ETS1: variants seen among roughly 807,000 people sequenced by gnomAD.
ETS1 encodes the protein ETS proto-oncogene 1, transcription factor.
Under a neutral mutation model 58.6 loss-of-function variants are expected in ETS1, and 15 were observed. The ratio of observed to expected loss-of-function variants is 0.26; its 90% CI spans 0.17 to 0.39. The LOEUF (loss-of-function observed/expected upper bound fraction) is 0.39. ETS1 is among the 10% of genes least tolerant of loss of function. The probability of loss-of-function intolerance (pLI) is 1.00; values close to 1 mark genes in which losing one functional copy is unlikely to be tolerated. For missense variants in ETS1, 417 were observed against 610.5 expected, an observed-to-expected ratio of 0.68 and a Z score of 3.34; for synonymous variants, 214 against 218.2, an observed-to-expected ratio of 0.98 and a Z score of 0.17.
At chr11:128,575,710 G>A (rs1259562236) in intron 1 of ETS1, among the ~76,000 whole-genome samples, 1 of 152,210 alleles carries the variant, frequency 6.6e-6, no homozygotes, top group Admixed American at 6.5e-5. Context: ...AAAAGAAATA[G>A]GAAGCAGTCA....
chr11:128,565,029 C>CAAATAAATAAAAT (rs138577288), intron 2 of ETS1, among the ~76,000 whole-genome samples: 1 of 144,514 alleles, frequency 6.9e-6, no homozygotes, highest in Non-Finnish European at 1.5e-5. Flanking sequence ...CACCAAATAT[C>CAAATAAATAAAAT]AAATAAATAA....
chr11:128,538,729 A>AAC (rs144715375), intron 3 of ETS1, among the ~76,000 whole-genome samples: 184 of 149,162 alleles, frequency 1.2e-3, no homozygotes, highest in African/African-American at 2.0e-3. Flanking sequence ...TTCAGGTGAA[A>AAC]ACACACACAC....
intron 8 of ETS1, among the ~76,000 whole-genome samples, chr11:128,478,989 T>C (rs962115260): frequency 6.6e-6 from 1 of 152,214 alleles, no homozygotes; most frequent in Non-Finnish European, 1.5e-5. Flanking sequence ...TACTCCAACA[T>C]GTAGACATAA....
chr11:128,533,353 G>A (rs183850405), intron 3 of ETS1, among the ~76,000 whole-genome samples: 1 of 152,238 alleles, frequency 6.6e-6, no homozygotes, highest in East Asian at 1.9e-4. Context: ...AGCCAAGGTG[G>A]CCATTTCTAC....
In ETS1 at chr11:128,490,443, C is replaced by G. The variant is rs376013621; in HGVS notation, c.334+14G>C. The stretch of plus-strand genomic sequence containing the variant: ...CTGACCCCAACCACTCTTTTTCCAA[C>G]TACAAAACCATACCTTTTGGGATCC... On this transcript the variant is annotated intron_variant, in intron 4 of 9. Coordinates refer to ENST00000392668, the MANE Select transcript of ETS1 (RefSeq NM_001143820.2). 1.9e-5 allele frequency: 31 copies of G among 1,613,824 alleles called. No individual in the cohort carries two copies. In the African/African-American group the frequency reaches 3.5e-4, roughly 18 times the overall value.
At chr11:128,521,515 TG>T in intron 3 of ETS1, among the ~76,000 whole-genome samples, 1 of 152,200 alleles carries the variant, frequency 6.6e-6, no homozygotes, top group Middle Eastern at 3.4e-3. Flanking sequence ...CTCAGTTCTA[TG>T]GGGGACGTGG....
intron 7 of ETS1, among the ~76,000 whole-genome samples, chr11:128,483,210 A>C (rs1011468587): frequency 2.0e-5 from 3 of 152,202 alleles, no homozygotes; most frequent in Non-Finnish European, 2.9e-5. Flanking sequence ...TCTCCTTGTA[A>C]GGGTCACTTT....
intron 8 of ETS1, among the ~76,000 whole-genome samples, chr11:128,471,568 G>T (rs1862188179): frequency 1.3e-5 from 2 of 152,238 alleles, no homozygotes; most frequent in Admixed American, 1.3e-4. Context: ...AGCCAGTGAA[G>T]CTCAAGTCAG....
At chr11:128,570,066 T>A (rs1864593809) in intron 2 of ETS1, among the ~76,000 whole-genome samples, 1 of 152,152 alleles carries the variant, frequency 6.6e-6, no homozygotes, top group Admixed American at 6.5e-5. Context: ...ATTATGCACT[T>A]AGAGTTATTT....
At chr11:128,552,512 C>A (rs1291535763) in intron 3 of ETS1, among the ~76,000 whole-genome samples, 2 of 152,192 alleles carry the variant, frequency 1.3e-5, no homozygotes, top group East Asian at 3.8e-4. Context: ...AAGTATTTTG[C>A]AAAAGTGTAC....
Position 128,479,315 on chromosome 11 carries a change from T to G in ETS1, c.1123+876A>C, listed in dbSNP as rs141145083. ...TAAGAGAATAAAGGCCTAGACCACATCTGAGTAATCAAAGCTACTTTAAAA... is the reference window on the plus strand; with the variant it reads ...TAAGAGAATAAAGGCCTAGACCACAGCTGAGTAATCAAAGCTACTTTAAAA... On this transcript the variant is annotated intron_variant, in intron 8 of 9. Transcript: ENST00000392668. Among the ~76,000 whole-genome samples, 225 of 152,326 alleles carry G rather than the reference T, an allele frequency of 1.5e-3. 1 individual carries two copies. The highest frequency in any genetic ancestry group is 0.014 in the Middle Eastern group (4 of 294).
chr11:128,513,048 T>C (rs1427682606), intron 3 of ETS1, among the ~76,000 whole-genome samples: 6 of 152,232 alleles, frequency 3.9e-5, no homozygotes, highest in Non-Finnish European at 2.9e-5. Flanking sequence ...GTATGACTCT[T>C]GGTTCAGTGC....
chr11:128,521,983 G>C (rs758887089), intron 3 of ETS1: 30 of 1,596,228 alleles, frequency 1.9e-5, no homozygotes, highest in Non-Finnish European at 2.5e-5. Flanking sequence ...TGAGATCGAC[G>C]GCCGCCTTCA....
chr11:128,532,220 A>G (rs1348648710), intron 3 of ETS1, among the ~76,000 whole-genome samples: 2 of 152,212 alleles, frequency 1.3e-5, no homozygotes, highest in Non-Finnish European at 2.9e-5. Flanking sequence ...CAGAAAAAGT[A>G]TTCTGCTCCC....
intron 1 of ETS1, among the ~76,000 whole-genome samples, chr11:128,578,511 A>C (rs1475503494): frequency 6.6e-6 from 1 of 152,200 alleles, no homozygotes; most frequent in Non-Finnish European, 1.5e-5. Context: ...TGAAATCAGC[A>C]GTTTTTGCCA....
rs570806321 is a variant in ETS1 at position 128,555,199 on chromosome 11, A to G, written c.214+1092T>C. Among the ~76,000 whole-genome samples the G allele has an allele frequency of 9.8e-5, 15 of 152,338 alleles. No homozygotes were observed. The East Asian group carries it at 2.5e-3, about 25-fold the overall frequency. The stretch of plus-strand genomic sequence containing the variant: ...TACTCCCCATGCCTCCTCACCCACC[A>G]TACACACAGCCCATGGAGTGCCACA... On this transcript the variant is annotated intron_variant, in intron 3 of 9. Transcript: ENST00000392668.
At chr11:128,580,692 T>C (rs1295270911) in intron 1 of ETS1, among the ~76,000 whole-genome samples, 1 of 152,232 alleles carries the variant, frequency 6.6e-6, no homozygotes, top group East Asian at 1.9e-4. Context: ...TTCCAAATTA[T>C]GGGCTACTGT....
chr11:128,532,123 C>A (rs570497209), intron 3 of ETS1, among the ~76,000 whole-genome samples: 39 of 152,162 alleles, frequency 2.6e-4, no homozygotes, highest in Admixed American at 2.6e-4. Flanking sequence ...CTATCTATCT[C>A]TAATTGTGCC....
chr11:128,475,475 G>C (rs1325982949), intron 8 of ETS1, among the ~76,000 whole-genome samples: 1 of 151,424 alleles, frequency 6.6e-6, no homozygotes, highest in Non-Finnish European at 1.5e-5. Context: ...ACTGGCTCTA[G>C]AGTCATCTAT....
Sources: allele counts gnomAD v4.1 joint callset (sites outside exome capture counted in the v4.1 genomes callset), GRCh38; gene constraint gnomAD v4.1.1; transcripts MANE v1.5; gene names NCBI Gene and HGNC (gene_info 2026-07-23, HGNC 2026-07-21).